The following PDK1 variants were observed in gnomAD, a reference collection of about 807,000 sequenced individuals.
The protein encoded by PDK1 is pyruvate dehydrogenase kinase 1, also known as [Pyruvate dehydrogenase (acetyl-transferring)] kinase isozyme 1, mitochondrial.
A neutral mutation model predicts 54.2 loss-of-function variants in PDK1; 39 were observed. The observed-to-expected ratio is 0.72, with a 90% CI of 0.56 to 0.94. The LOEUF is 0.94. Ranked by LOEUF, PDK1 falls within the 40% of genes least tolerant of loss-of-function variation. The pLI is 0.00. For synonymous variants in PDK1, 221 were observed against 207.1 expected, an observed-to-expected ratio of 1.07 and a Z score of -0.58; for missense variants, 552 against 566.0, an observed-to-expected ratio of 0.98 and a Z score of 0.25.
chr2:172,650,028 C>T, the PDK1 span, among the ~76,000 whole-genome samples: 1 of 152,116 alleles, frequency 6.6e-6, no homozygotes, highest in African/African-American at 2.4e-5. Flanking sequence ...CTCCAAGACA[C>T]ATCATTGTCA....
chr2:172,723,601 A>T, the PDK1 span: 5 of 152,196 alleles, frequency 3.3e-5, no homozygotes, highest in Non-Finnish European at 5.9e-5. Context: ...ATCAAAAAAA[A>T]CTAAAGAGGC....
the PDK1 span, among the ~76,000 whole-genome samples, chr2:172,621,658 CAT>C: frequency 1.2e-4 from 17 of 143,778 alleles, no homozygotes; most frequent in African/African-American, 2.0e-4. Context: ...ATATGTTTAT[CAT>C]ATATATGATA....
the PDK1 span, among the ~76,000 whole-genome samples, chr2:172,720,402 A>G: frequency 1.3e-5 from 2 of 152,126 alleles, no homozygotes; most frequent in African/African-American, 4.8e-5. Flanking sequence ...GGCGTGAGCT[A>G]CTGCACCTGG....
downstream of PDK1, among the ~76,000 whole-genome samples, chr2:172,610,380 C>T (rs1691423671): frequency 1.3e-5 from 2 of 152,094 alleles, no homozygotes; most frequent in South Asian, 4.2e-4. Flanking sequence ...AGCATGGGCA[C>T]ACCGGATCTC....
At chr2:172,633,381 C>CTTTT in the PDK1 span, among the ~76,000 whole-genome samples, 3 of 103,976 alleles carry the variant, frequency 2.9e-5, no homozygotes, top group Admixed American at 1.0e-4. Flanking sequence ...GATTTTCTTT[C>CTTTT]TTTTTTTTTT....
chr2:172,707,642 A>G, the PDK1 span, among the ~76,000 whole-genome samples: 3 of 151,842 alleles, frequency 2.0e-5, no homozygotes, highest in Non-Finnish European at 1.5e-5. Flanking sequence ...TCTTCACTCC[A>G]CCTTTCAGAA....
chr2:172,699,736 TTTTC>T, the PDK1 span, among the ~76,000 whole-genome samples: 6 of 151,366 alleles, frequency 4.0e-5, no homozygotes, highest in South Asian at 2.1e-4. Flanking sequence ...CTTTTTTTCT[TTTTC>T]TTTTTCTTTT....
At chr2:172,689,903 G>C in the PDK1 span, among the ~76,000 whole-genome samples, 3 of 150,388 alleles carry the variant, frequency 2.0e-5, no homozygotes, top group South Asian at 4.3e-4. Flanking sequence ...AACCCTAGAA[G>C]AAAACCTGGA....
At position 172,566,942 on chromosome 2, in the gene PDK1, G is replaced by C; in HGVS notation, c.769+9G>C. 1 of 1,565,924 alleles carries C rather than the reference G, an allele frequency of 6.4e-7. No homozygotes were observed. The highest frequency in any genetic ancestry group is 8.8e-7 in the Non-Finnish European group (1 of 1,138,906). On this transcript the variant is annotated intron_variant, in intron 6 of 10. Coordinates refer to ENST00000282077, the MANE Select transcript of PDK1 (RefSeq NM_002610.5). The stretch of plus-strand genomic sequence containing the variant: ...ACTTGAAGAACTAAATGGTAAGCCT[G>C]ATGTTGTCTTTTTCTCAATAATTAG...
chr2:172,688,412 G>A, the PDK1 span, among the ~76,000 whole-genome samples: 1 of 152,098 alleles, frequency 6.6e-6, no homozygotes, highest in East Asian at 1.9e-4. Context: ...CTTGTGCCAG[G>A]GATTATTGTG....
chr2:172,673,365 C>T, the PDK1 span, among the ~76,000 whole-genome samples: 2 of 152,270 alleles, frequency 1.3e-5, no homozygotes, highest in African/African-American at 4.8e-5. Context: ...TAAATTCCAC[C>T]ATTTTGTCCC....
the PDK1 span, among the ~76,000 whole-genome samples, chr2:172,720,109 TCTCTCTC>T: frequency 4.8e-5 from 5 of 103,300 alleles, no homozygotes; most frequent in East Asian, 2.1e-3. Flanking sequence ...TCTCTCTCTC[TCTCTCTC>T]TTTTTTTTTT....
chr2:172,708,384 T>C, the PDK1 span, among the ~76,000 whole-genome samples: 1 of 152,244 alleles, frequency 6.6e-6, no homozygotes. Flanking sequence ...TTTGTTGATA[T>C]TTAAATTGTC....
At chr2:172,721,757 T>C in the PDK1 span, among the ~76,000 whole-genome samples, 10 of 152,360 alleles carry the variant, frequency 6.6e-5, no homozygotes, top group East Asian at 7.7e-4. Flanking sequence ...GGCTGAGTCA[T>C]AGACCAGCTA....
the PDK1 span, among the ~76,000 whole-genome samples, chr2:172,619,885 G>A: frequency 6.6e-6 from 1 of 152,148 alleles, no homozygotes; most frequent in African/African-American, 2.4e-5. Flanking sequence ...CTGATCTCAG[G>A]CTGGGCAGGT....
At chr2:172,621,543 A>T in the PDK1 span, among the ~76,000 whole-genome samples, 6 of 146,418 alleles carry the variant, frequency 4.1e-5, no homozygotes, top group Non-Finnish European at 7.5e-5. Context: ...TTATATATAT[A>T]TTATATATAT....
the PDK1 span, among the ~76,000 whole-genome samples, chr2:172,620,766 A>G: frequency 6.6e-6 from 1 of 152,112 alleles, no homozygotes; most frequent in East Asian, 1.9e-4. Context: ...TGCTTTCACC[A>G]TGTGAAGTGC....
In PDK1 at chr2:172,564,806, G is replaced by C. The variant is rs972485983; in HGVS notation, c.595+119G>C. 3.9e-4 allele frequency: 378 copies of C among 978,670 alleles called. 1 individual carries two copies. Among genetic ancestry groups the C allele is most frequent in the Non-Finnish European group, 8.6e-5 (57 of 660,060 alleles). The allele number at this position is 978,670 out of a possible 1,614,324, so 60.6% of individuals were successfully genotyped here. ...TTAGTTTTACCTTTTGGCTAATTAA[G>C]AAAAATAAATAGACTGCCATCAAGA... is the stretch of plus-strand genomic sequence containing the variant. On this transcript the variant is annotated intron_variant, in intron 4 of 10. Coordinates refer to ENST00000282077, the MANE Select transcript of PDK1 (RefSeq NM_002610.5).
chr2:172,558,884 A>G, intron 2 of PDK1, 35 bp downstream of exon 2: 2 of 1,581,152 alleles, frequency 1.3e-6, no homozygotes, highest in Non-Finnish European at 1.7e-6. Context: ...AATTTGATGG[A>G]GTTGTGGACT....
Sources: gnomAD v4.1 joint callset for allele counts (sites outside exome capture counted in the v4.1 genomes callset) on GRCh38, gnomAD v4.1.1 for gene constraint, MANE v1.5 for transcripts, NCBI Gene and HGNC (gene_info 2026-07-23, HGNC 2026-07-21) for gene names.